CST2: variants seen among roughly 807,000 people sequenced by gnomAD.
CST2 encodes cystatin-SA.
CST2 carries 26 observed loss-of-function variants against 13.4 expected under a neutral mutation model. The ratio of observed to expected loss-of-function variants is 1.95; its 90% CI spans 1.43 to 2.70. CST2 has a LOEUF of 2.70. Ranked by LOEUF, CST2 falls within the 30% of genes most tolerant of loss-of-function variation. CST2 has a pLI of 0.00. For synonymous variants in CST2, 105 were observed against 71.1 expected (o/e 1.48, Z -2.40); for missense variants, 243 against 173.4 (o/e 1.40, Z -2.25).
intron 2 of CST2, 25 bp downstream of exon 2, chr20:23,825,185 C>T: frequency 6.2e-7 from 1 of 1,613,958 alleles, no homozygotes; most frequent in South Asian, 1.1e-5. Context: ...GCATGACTGG[C>T]CTGGGACCCG....
Position 23,825,294 on chromosome 20 carries a change from G to A in CST2, c.258C>T (p.Asp86=). Residue 86 remains aspartate, a synonymous_variant, in exon 2 of 3, where the codon GAC becomes GAT. Transcript: ENST00000304725. The stretch of plus-strand genomic sequence containing the variant: ...TACATATGGTTCGGCCCACCTCTAT[G>A]TCGAAGAAGTAATTCACCCCGCCCA... ...QIVGGVNYFF[D]IEVGRTICTK... is the part of the protein sequence containing the mutation. 2.5e-6 allele frequency: 4 copies of A among 1,613,090 alleles called. No homozygotes were observed. Among genetic ancestry groups the A allele is most frequent in the Non-Finnish European group, 3.4e-6 (4 of 1,179,626 alleles).
intron 2 of CST2, among the ~76,000 whole-genome samples, chr20:23,824,680 G>A (rs1206909012): frequency 6.6e-6 from 1 of 151,954 alleles, no homozygotes; most frequent in Non-Finnish European, 1.5e-5. Flanking sequence ...TTGTGTCTGT[G>A]GCTGCATGCA....
At chr20:23,825,924 A>G (rs1984820072) in intron 1 of CST2, among the ~76,000 whole-genome samples, 1 of 152,022 alleles carries the variant, frequency 6.6e-6, no homozygotes, top group Non-Finnish European at 1.5e-5. Context: ...TTGACCTGAC[A>G]CCTCCTCCTC....
chr20:23,826,614 G>A lies in CST2; in HGVS notation c.47C>T (p.Ala16Val), dbSNP rs1984851901. The A allele has an allele frequency of 1.2e-6, 2 of 1,612,846 alleles. No individual in the cohort carries two copies. Among genetic ancestry groups the A allele is most frequent in the South Asian group, 1.1e-5 (1 of 90,914 alleles). Reference sequence around the variant, plus strand: ...CTGGGGGCTCCAGGCCAGGGCCACAGCCTGGGTGGCCAGCAGGAGCAGCAG... The same window carrying A: ...CTGGGGGCTCCAGGCCAGGGCCACAACCTGGGTGGCCAGCAGGAGCAGCAG... Reference protein sequence around the residue: ...CTLLLLLATQAVALAWSPQEE... With the variant: ...CTLLLLLATQVVALAWSPQEE... Residue 16 changes from alanine (A) to valine (V), a missense_variant, in exon 1 of 3, where the codon GCT becomes GTT. By Grantham distance (64) the Ala-to-Val change is moderately conservative (BLOSUM62 0). Coordinates refer to ENST00000304725, the MANE Select transcript of CST2 (RefSeq NM_001322.3).
At chr20:23,826,103 C>G (rs1183310762) in intron 1 of CST2, among the ~76,000 whole-genome samples, 1 of 152,138 alleles carries the variant, frequency 6.6e-6, no homozygotes, top group African/African-American at 2.4e-5. Context: ...GCTGTACCCA[C>G]GGGTGTGACT....
Position 23,826,623 on chromosome 20 carries a change from G to A in CST2, c.38C>T (p.Ala13Val), listed in dbSNP as rs1411653443. ...CCAGGCCAGGGCCACAGCCTGGGTG[G>A]CCAGCAGGAGCAGCAGGGTGCACAG... ...WPLCTLLLLL[A>V]TQAVALAWSP... The change falls in exon 1 of 3, where the codon GCC becomes GTC. Residue 13 changes from alanine (A) to valine (V), a missense_variant. Physicochemically the swap from Ala to Val is moderately conservative, Grantham distance 64. Coordinates refer to ENST00000304725, the MANE Select transcript of CST2 (RefSeq NM_001322.3). The A allele has an allele frequency of 1.2e-6, 2 of 1,611,644 alleles. No homozygotes were observed. Among genetic ancestry groups the A allele is most frequent in the Non-Finnish European group, 1.7e-6 (2 of 1,179,348 alleles).
At chr20:23,825,882 G>T (rs1984818182) in intron 1 of CST2, among the ~76,000 whole-genome samples, 1 of 152,218 alleles carries the variant, frequency 6.6e-6, no homozygotes, top group Non-Finnish European at 1.5e-5. Flanking sequence ...TGCAGGTAAA[G>T]CTGGGCCCAA....
intron 1 of CST2, 62 bp from the exon 2 acceptor site, chr20:23,825,385 C>T (rs1163307133): frequency 6.4e-7 from 1 of 1,555,172 alleles, no homozygotes; most frequent in African/African-American, 1.4e-5. Flanking sequence ...CACTCACAGG[C>T]ACTTCACTGT....
Position 23,823,769 on chromosome 20 carries a change from G to A in CST2, c.*251C>T. On this transcript the variant is annotated 3_prime_UTR_variant, in exon 3 of 3. Transcript: ENST00000304725. The stretch of plus-strand genomic sequence containing the variant: ...CCAGACAGCCAAGAACTCAGAGGGA[G>A]GTGATGCTACTGTTTAATTGCAGGA... The A allele has an allele frequency of 1.9e-6, 1 of 522,150 alleles. No individual in the cohort carries two copies. The highest frequency in any genetic ancestry group is 3.5e-6 in the Non-Finnish European group (1 of 289,474). The allele number at this position is 522,150 out of a possible 1,614,324, so 32.3% of individuals were successfully genotyped here.
rs567564158 is a variant in CST2 at position 23,825,063 on chromosome 20, C to A, written c.342+147G>T. 237 of 1,143,242 alleles carry A rather than the reference C, an allele frequency of 2.1e-4. No individual in the cohort carries two copies. The African/African-American group carries it at 3.1e-3, about 15-fold the overall frequency. 70.8% of individuals were successfully genotyped at this position (1,143,242 alleles called of 1,614,324 possible). Reference sequence around the variant, plus strand: ...CTACATGCACAACCCTCCACAAGTACATGAACATGTATACATCCATGCATA... The same window carrying A: ...CTACATGCACAACCCTCCACAAGTAAATGAACATGTATACATCCATGCATA... On this transcript the variant is annotated intron_variant, in intron 2 of 2. Transcript: ENST00000304725.
At chr20:23,824,929 C>G (rs1984779460) in intron 2 of CST2, among the ~76,000 whole-genome samples, 2 of 152,076 alleles carry the variant, frequency 1.3e-5, no homozygotes, top group Non-Finnish European at 2.9e-5. Context: ...CCCCATGGAT[C>G]TATGTACAAA....
chr20:23,825,041 C>T (rs1984783711), intron 2 of CST2, among the ~76,000 whole-genome samples, 169 bp downstream of exon 2: 3 of 152,074 alleles, frequency 2.0e-5, no homozygotes, highest in Non-Finnish European at 4.4e-5. Flanking sequence ...TGCACATCTA[C>T]ATGCACAACC....
chr20:23,824,373 C>T (rs1984760570), intron 2 of CST2, among the ~76,000 whole-genome samples: 1 of 152,110 alleles, frequency 6.6e-6, no homozygotes, highest in Middle Eastern at 3.2e-3. Context: ...TCAGCCTGTG[C>T]AAGACCTTGG....
At chr20:23,826,101 C>A (rs1984826641) in intron 1 of CST2, among the ~76,000 whole-genome samples, 1 of 152,160 alleles carries the variant, frequency 6.6e-6, no homozygotes, top group Non-Finnish European at 1.5e-5. Flanking sequence ...GGGCTGTACC[C>A]ACGGGTGTGA....
rs529744290 is a variant in CST2 at position 23,824,420 on chromosome 20, C to G, written c.343-317G>C. 2.2e-3 allele frequency among the ~76,000 whole-genome samples: 335 copies of G among 152,256 alleles called. 2 individuals are homozygous for G. Among genetic ancestry groups the G allele is most frequent in the Non-Finnish European group, 3.0e-3 (204 of 68,014 alleles). On this transcript the variant is annotated intron_variant, in intron 2 of 2. Coordinates refer to ENST00000304725, the MANE Select transcript of CST2 (RefSeq NM_001322.3). ...GTGCAGGGCATGGGGAGGTGGCTCACTTCCCCCAGCTCCTTCCACCTCCAG... is the reference window on the plus strand; with the variant it reads ...GTGCAGGGCATGGGGAGGTGGCTCAGTTCCCCCAGCTCCTTCCACCTCCAG...
Position 23,823,922 on chromosome 20 carries a change from G to A in CST2, c.*98C>T, listed in dbSNP as rs1388437899. 2 of 1,183,446 alleles carry A rather than the reference G, an allele frequency of 1.7e-6. No individual in the cohort carries two copies. Among genetic ancestry groups the A allele is most frequent in the Non-Finnish European group, 2.4e-6 (2 of 838,038 alleles). 73.3% of individuals were successfully genotyped at this position (1,183,446 alleles called of 1,614,324 possible). ...GTCTTCTCCTGCTGCAGGTGCATGG[G>A]GAGACCTCCCACAGGGTGGGGGCCA... On this transcript the variant is annotated 3_prime_UTR_variant, in exon 3 of 3. Transcript: ENST00000304725.
At position 23,826,466 on chromosome 20, in the gene CST2, T is replaced by A. The variant is rs1487463498; in HGVS notation, c.195A>T (p.Arg65Ser). The A allele has an allele frequency of 6.2e-7, 1 of 1,613,982 alleles. No homozygotes were observed. Among genetic ancestry groups the A allele is most frequent in the Non-Finnish European group, 8.5e-7 (1 of 1,180,000 alleles). The stretch of plus-strand genomic sequence containing the variant: ...TGGCTCGTAGCACCCGCAGCAGGCG[T>A]CTGTAGTACTCATCTTCAGTGGCCT... Reference protein sequence around the residue: ...YNKATEDEYYRRLLRVLRARE... With the variant: ...YNKATEDEYYSRLLRVLRARE... The change falls in exon 1 of 3, where the codon AGA (arginine) becomes AGT (serine). Residue 65 changes from arginine to serine, a missense_variant. Transcript: ENST00000304725.
intron 1 of CST2, among the ~76,000 whole-genome samples, chr20:23,825,898 C>A (rs929424058): frequency 6.6e-6 from 1 of 152,182 alleles, no homozygotes; most frequent in Non-Finnish European, 1.5e-5. Flanking sequence ...CCCAATAGCC[C>A]TTCTGAAGCT....
intron 1 of CST2, 38 bp from the exon 2 acceptor site, chr20:23,825,361 C>T (rs764736899): frequency 6.4e-5 from 102 of 1,606,234 alleles, no homozygotes; most frequent in Non-Finnish European, 8.6e-5. Flanking sequence ...GGACAGCGCC[C>T]CCATCAGTTC....
Sources: gnomAD v4.1 joint callset for allele counts (sites outside exome capture counted in the v4.1 genomes callset) on GRCh38, gnomAD v4.1.1 for gene constraint, MANE v1.5 for transcripts, NCBI Gene and HGNC (gene_info 2026-07-23, HGNC 2026-07-21) for gene names.